Variants in FOXP1 observed in about 807,000 individuals in gnomAD.
The protein encoded by FOXP1 is forkhead box protein P1.
A neutral mutation model predicts 98.2 loss-of-function variants in FOXP1; 15 were observed. That is an observed-to-expected ratio of 0.15 (90% confidence interval 0.10 to 0.24). The LOEUF (loss-of-function observed/expected upper bound fraction) is 0.24, where lower values mean the gene tolerates loss of function less well. FOXP1 is among the 10% of genes least tolerant of loss of function. FOXP1 has a pLI of 1.00. For synonymous variants in FOXP1, 371 were observed against 314.5 expected (o/e 1.18, Z -1.90); for missense variants, 633 against 848.5 (o/e 0.75, Z 3.15).
At chr3:71,449,471 A>G (rs2086739682) in intron 3 of FOXP1, among the ~76,000 whole-genome samples, 1 of 152,202 alleles carries the variant, frequency 6.6e-6, no homozygotes, top group Non-Finnish European at 1.5e-5. Context: ...ACATTACAAC[A>G]CATCTTTCCT....
rs2059535661 is a variant in FOXP1 at position 71,130,920 on chromosome 3, C to A, written c.181-18283G>T. On this transcript the variant is annotated intron_variant, in intron 6 of 20. Transcript: ENST00000649528. Reference sequence around the variant, plus strand: ...AAGCAGCGACACAGCACACGCAGTGCGCCCTGGCTAGACCAAGCCCTAGCC... The same window carrying A: ...AAGCAGCGACACAGCACACGCAGTGAGCCCTGGCTAGACCAAGCCCTAGCC... The A allele has an allele frequency of 3.0e-6, 4 of 1,327,276 alleles. No homozygotes were observed. In the East Asian group the frequency reaches 1.1e-4, roughly 38 times the overall value. The allele number at this position is 1,327,276 out of a possible 1,614,324, so 82.2% of individuals were successfully genotyped here.
intron 5 of FOXP1, among the ~76,000 whole-genome samples, chr3:71,204,240 T>A (rs1380700347): frequency 6.6e-6 from 1 of 152,182 alleles, no homozygotes; most frequent in Non-Finnish European, 1.5e-5. Context: ...TATATTATGA[T>A]ATAAAGCATA....
At chr3:71,352,352 C>A (rs1189197069) in intron 4 of FOXP1, among the ~76,000 whole-genome samples, 3 of 150,760 alleles carry the variant, frequency 2.0e-5, no homozygotes, top group Admixed American at 1.3e-4. Flanking sequence ...TTAGTCCCAG[C>A]TACTTGGGAG....
intron 3 of FOXP1, among the ~76,000 whole-genome samples, chr3:71,437,677 G>A (rs759940777): frequency 1.3e-5 from 2 of 152,088 alleles, no homozygotes; most frequent in Non-Finnish European, 2.9e-5. Flanking sequence ...AGCATAAAAC[G>A]CAAGCCCAAA....
intron 6 of FOXP1, among the ~76,000 whole-genome samples, chr3:71,149,739 T>C (rs1351511798): frequency 1.3e-5 from 2 of 152,224 alleles, no homozygotes; most frequent in African/African-American, 4.8e-5. Flanking sequence ...ACTAAATGCA[T>C]GACTTCAACT....
intron 6 of FOXP1, among the ~76,000 whole-genome samples, chr3:71,185,593 G>T (rs1052487534): frequency 2.6e-5 from 4 of 152,278 alleles, no homozygotes; most frequent in African/African-American, 7.2e-5. Flanking sequence ...TGGGTAGACA[G>T]ATAGTCCCAG....
intron 14 of FOXP1, among the ~76,000 whole-genome samples, chr3:70,984,213 A>G (rs960551325): frequency 1.3e-5 from 2 of 152,152 alleles, no homozygotes; most frequent in African/African-American, 4.8e-5. Context: ...GTCTTTATAA[A>G]ATTAAAAGTT....
At chr3:71,389,254 C>CGGGGGGGGGGGGGTGG (rs1560413261) in intron 3 of FOXP1, among the ~76,000 whole-genome samples, 2 of 6,062 alleles carry the variant, frequency 3.3e-4, no homozygotes, top group Non-Finnish European at 6.5e-4. Context: ...GGGGGGGGGC[C>CGGGGGGGGGGGGGTGG]GGGGGGGGCG....
intron 3 of FOXP1, among the ~76,000 whole-genome samples, chr3:71,436,895 C>A (rs535663411): frequency 7.2e-5 from 11 of 152,174 alleles, no homozygotes; most frequent in African/African-American, 2.7e-4. Context: ...GCCCCATGAC[C>A]GATCAAAGCA....
At chr3:71,388,957 C>T (rs983654487) in intron 3 of FOXP1, among the ~76,000 whole-genome samples, 10 of 151,736 alleles carry the variant, frequency 6.6e-5, no homozygotes, top group Non-Finnish European at 1.0e-4. Flanking sequence ...TCTGAGAAAT[C>T]GAGATAACAA....
At chr3:71,272,177 C>T (rs1345716041) in intron 5 of FOXP1, among the ~76,000 whole-genome samples, 2 of 152,122 alleles carry the variant, frequency 1.3e-5, no homozygotes, top group African/African-American at 4.8e-5. Flanking sequence ...TGTCAACATT[C>T]TATACACATG....
At chr3:71,530,496 A>G (rs1389976847) in intron 2 of FOXP1, among the ~76,000 whole-genome samples, 1 of 152,188 alleles carries the variant, frequency 6.6e-6, no homozygotes, top group African/African-American at 2.4e-5. Flanking sequence ...GGACCAAGAC[A>G]GTTGGTGTGA....
chr3:71,121,445 T>A (rs2058764518), intron 6 of FOXP1, among the ~76,000 whole-genome samples: 1 of 151,372 alleles, frequency 6.6e-6, no homozygotes, highest in Admixed American at 6.6e-5. Context: ...CTACAAACAG[T>A]CAGGAAGTCT....
At chr3:71,412,331 G>A (rs934597499) in intron 3 of FOXP1, among the ~76,000 whole-genome samples, 1 of 152,150 alleles carries the variant, frequency 6.6e-6, no homozygotes, top group African/African-American at 2.4e-5. Context: ...GACATAATGG[G>A]GTTTATAGGG....
intron 2 of FOXP1, among the ~76,000 whole-genome samples, chr3:71,515,258 C>T (rs1300552495): frequency 6.6e-6 from 1 of 151,972 alleles, no homozygotes; most frequent in Admixed American, 6.6e-5. Context: ...CTTCACACAA[C>T]GCGGTATGGA....
chr3:71,263,073 G>C (rs1303386257), intron 5 of FOXP1, among the ~76,000 whole-genome samples: 1 of 152,186 alleles, frequency 6.6e-6, no homozygotes, highest in East Asian at 1.9e-4. Flanking sequence ...CAAATCAGGA[G>C]TAGCTCAGCA....
At chr3:71,511,343 C>T (rs1281338352) in intron 2 of FOXP1, among the ~76,000 whole-genome samples, 1 of 152,172 alleles carries the variant, frequency 6.6e-6, no homozygotes, top group African/African-American at 2.4e-5. Context: ...TAGTCAGCCT[C>T]ACTTGTCATA....
At chr3:71,374,340 T>A (rs2079555203) in intron 3 of FOXP1, among the ~76,000 whole-genome samples, 3 of 152,166 alleles carry the variant, frequency 2.0e-5, no homozygotes, top group Non-Finnish European at 4.4e-5. Context: ...ATGCCTGTAA[T>A]CCCAGCACTT....
intron 5 of FOXP1, among the ~76,000 whole-genome samples, chr3:71,295,763 G>A (rs2073223995): frequency 6.6e-6 from 1 of 152,162 alleles, no homozygotes; most frequent in African/African-American, 2.4e-5. Context: ...ATTGTCAATG[G>A]TGAGGGGAGG....
Sources: gnomAD v4.1 joint callset for allele counts (sites outside exome capture counted in the v4.1 genomes callset) on GRCh38, gnomAD v4.1.1 for gene constraint, MANE v1.5 for transcripts, NCBI Gene and HGNC (gene_info 2026-07-23, HGNC 2026-07-21) for gene names.